Variants in PRKCH observed in about 807,000 individuals in gnomAD.
The protein encoded by PRKCH is protein kinase C eta type.
A neutral mutation model predicts 82.5 loss-of-function variants in PRKCH; 28 were observed. The ratio of observed to expected loss-of-function variants is 0.34; its 90% CI spans 0.25 to 0.47. The LOEUF is 0.47. Ranked by LOEUF, PRKCH falls within the 20% of genes least tolerant of loss-of-function variation. The pLI, the probability that PRKCH is intolerant of heterozygous loss-of-function variation, is 1.00. For synonymous variants in PRKCH, 322 were observed against 327.4 expected (o/e 0.98, Z 0.18); for missense variants, 705 against 881.8 (o/e 0.80, Z 2.54).
intron 1 of PRKCH, among the ~76,000 whole-genome samples, chr14:61,240,999 C>A (rs114776887): frequency 0.017 from 2,525 of 152,266 alleles, 81 homozygotes; most frequent in African/African-American, 0.058. Flanking sequence ...ACCATCAGAT[C>A]CCACAGGTTG....
intron 1 of PRKCH, among the ~76,000 whole-genome samples, chr14:61,210,123 TA>T: frequency 3.7e-5 from 1 of 27,284 alleles, no homozygotes; most frequent in Non-Finnish European, 6.4e-5. Flanking sequence ...TATATATATA[TA>T]TATATATATA....
Position 61,450,963 on chromosome 14 carries a change from A to G in PRKCH, c.824A>G (p.Gln275Arg). 6.2e-7 allele frequency: 1 copy of G among 1,613,898 alleles called. No individual in the cohort carries two copies. Among genetic ancestry groups the G allele is most frequent in the Non-Finnish European group, 8.5e-7 (1 of 1,179,906 alleles). The change falls in exon 6 of 14, where the codon CAG becomes CGG. Residue 275 changes from glutamine to arginine, a missense_variant. By Grantham distance (43) the Gln-to-Arg change is conservative. Coordinates refer to ENST00000332981, the MANE Select transcript of PRKCH (RefSeq NM_006255.5). ...TGGGGAATAATGCGACAAGGACTTCAGTGTAAAAGTGAGATGCTGAGGTGC... is the reference window on the plus strand; with the variant it reads ...TGGGGAATAATGCGACAAGGACTTCGGTGTAAAAGTGAGATGCTGAGGTGC... ...LLWGIMRQGL[Q>R]CKICKMNVHI...
chr14:61,437,888 T>C (rs1883753294), intron 2 of PRKCH, among the ~76,000 whole-genome samples: 1 of 151,824 alleles, frequency 6.6e-6, no homozygotes, highest in South Asian at 2.1e-4. Flanking sequence ...CTTGAGCCCG[T>C]GAGTTTGAGA....
intron 2 of PRKCH, among the ~76,000 whole-genome samples, chr14:61,402,597 C>T (rs1207069963): frequency 6.6e-6 from 1 of 151,900 alleles, no homozygotes; most frequent in African/African-American, 2.4e-5. Context: ...GAGATCAAGA[C>T]CATCCTGGCC....
chr14:61,425,606 GA>G (rs1405695391), intron 2 of PRKCH, among the ~76,000 whole-genome samples: 1 of 152,220 alleles, frequency 6.6e-6, no homozygotes, highest in African/African-American at 2.4e-5. Flanking sequence ...AGGCAGAAGG[GA>G]CTTGCCTTGT....
At chr14:61,222,037 C>G (rs868317491) in intron 1 of PRKCH, among the ~76,000 whole-genome samples, 1 of 152,206 alleles carries the variant, frequency 6.6e-6, no homozygotes, top group Admixed American at 6.5e-5. Context: ...AGTGCCCCCT[C>G]CCACACACTG....
Position 61,417,012 on chromosome 14 carries a change from T to G in PRKCH, c.427+25724T>G, listed in dbSNP as rs953222085. On this transcript the variant is annotated intron_variant, in intron 2 of 13. Coordinates refer to ENST00000332981, the MANE Select transcript of PRKCH (RefSeq NM_006255.5). Reference sequence around the variant, plus strand: ...GGAAAATTGCCACCCAACATTGTTTTAACACTTAAAAATTAGAGGGGACCT... The same window carrying G: ...GGAAAATTGCCACCCAACATTGTTTGAACACTTAAAAATTAGAGGGGACCT... 4.6e-5 allele frequency among the ~76,000 whole-genome samples: 7 copies of G among 152,282 alleles called. 1 individual carries two copies. Among genetic ancestry groups the G allele is most frequent in the Admixed American group, 6.5e-5 (1 of 15,304 alleles).
chr14:61,283,699 A>G (rs901340287), intron 1 of PRKCH, among the ~76,000 whole-genome samples: 1 of 152,118 alleles, frequency 6.6e-6, no homozygotes, highest in African/African-American at 2.4e-5. Context: ...ATAAAAACAA[A>G]TTATCTGGGT....
chr14:61,524,642 G>A (rs1197740924), intron 10 of PRKCH, among the ~76,000 whole-genome samples: 1 of 152,100 alleles, frequency 6.6e-6, no homozygotes, highest in Non-Finnish European at 1.5e-5. Context: ...AAAAAATAAA[G>A]GCATGATTTC....
chr14:61,337,703 A>G (rs2045878000), intron 1 of PRKCH, among the ~76,000 whole-genome samples: 1 of 152,238 alleles, frequency 6.6e-6, no homozygotes, highest in African/African-American at 2.4e-5. Context: ...CTGGGATTAC[A>G]GGCATGAGCC....
chr14:61,199,877 C>T (rs1355498673), intron 1 of PRKCH, among the ~76,000 whole-genome samples: 1 of 152,152 alleles, frequency 6.6e-6, no homozygotes, highest in Non-Finnish European at 1.5e-5. Context: ...GGATTCCATC[C>T]CCCAATTTTG....
chr14:61,372,046 G>C (rs888894716), intron 1 of PRKCH, among the ~76,000 whole-genome samples: 1 of 151,944 alleles, frequency 6.6e-6, no homozygotes, highest in Admixed American at 6.6e-5. Context: ...GTGTCCCTTT[G>C]TGACATGCCA....
chr14:61,522,461 C>T (rs919876074), intron 10 of PRKCH, among the ~76,000 whole-genome samples: 3 of 152,186 alleles, frequency 2.0e-5, no homozygotes, highest in Non-Finnish European at 4.4e-5. Flanking sequence ...CTCTCGCCAC[C>T]CAGGACTCCA....
rs150909172 is a variant in PRKCH, at chr14:61,323,302, T to C, written c.363+838T>C. Among the ~76,000 whole-genome samples the C allele has an allele frequency of 3.3e-3, 498 of 151,758 alleles. 2 individuals carry two copies. The highest frequency in any genetic ancestry group is 0.012 in the African/African-American group (478 of 41,302). The stretch of plus-strand genomic sequence containing the variant: ...ATTTCTGCTGTAAATCAATTAAAAC[T>C]TCTAGAGCGCTCTACACGGTGCTAA... On this transcript the variant is annotated intron_variant, in intron 1 of 13. Transcript: ENST00000332981.
chr14:61,467,856 TATCTC>T (rs1181323664), intron 9 of PRKCH, among the ~76,000 whole-genome samples: 1 of 152,162 alleles, frequency 6.6e-6, no homozygotes, highest in Non-Finnish European at 1.5e-5. Flanking sequence ...TTGAACAAAA[TATCTC>T]ATTTAATACC....
At chr14:61,445,765 C>T (rs1013245240) in intron 4 of PRKCH, 39 bp downstream of exon 4, 4 of 1,563,618 alleles carry the variant, frequency 2.6e-6, no homozygotes, top group Non-Finnish European at 3.5e-6. Flanking sequence ...CATTTTGTTC[C>T]TATGTTAAAA....
chr14:61,391,643 A>G (rs971404287), intron 2 of PRKCH, among the ~76,000 whole-genome samples: 4 of 152,158 alleles, frequency 2.6e-5, no homozygotes, highest in Admixed American at 2.0e-4. Flanking sequence ...GTGAATGTCT[A>G]TGAAAGAAAT....
intron 10 of PRKCH, among the ~76,000 whole-genome samples, chr14:61,509,895 A>G (rs1438997143): frequency 6.6e-6 from 1 of 152,158 alleles, no homozygotes; most frequent in Admixed American, 6.5e-5. Context: ...ATCCTGGGTG[A>G]CAAAGTGAGG....
chr14:61,332,223 A>T (rs1159179538), intron 1 of PRKCH, among the ~76,000 whole-genome samples: 1 of 152,218 alleles, frequency 6.6e-6, no homozygotes, highest in Non-Finnish European at 1.5e-5. Context: ...CAGACATTTT[A>T]ATTAGAGGGA....
Sources: allele counts gnomAD v4.1 joint callset (sites outside exome capture counted in the v4.1 genomes callset), GRCh38; gene constraint gnomAD v4.1.1; transcripts MANE v1.5; gene names NCBI Gene and HGNC (gene_info 2026-07-23, HGNC 2026-07-21).